The following ANO1 variants were observed in gnomAD, a reference collection of about 807,000 sequenced individuals.
The protein encoded by ANO1 is anoctamin-1.
A neutral mutation model predicts 124.0 loss-of-function variants in ANO1; 59 were observed. That is an observed-to-expected ratio of 0.48 (90% CI 0.39 to 0.59). ANO1 has a LOEUF of 0.59. Among genes scored for constraint, ANO1 ranks in the 20% least tolerant of loss-of-function variants. The probability of loss-of-function intolerance (pLI) is 0.00; values close to 1 mark genes in which losing one functional copy is unlikely to be tolerated. For synonymous variants in ANO1, 529 were observed against 532.0 expected, an observed-to-expected ratio of 0.99 and a Z score of 0.08; for missense variants, 1,059 against 1,328.0, an observed-to-expected ratio of 0.80 and a Z score of 3.15.
intron 1 of ANO1, among the ~76,000 whole-genome samples, chr11:69,987,798 G>A (rs1856076234): frequency 6.6e-6 from 1 of 152,110 alleles, no homozygotes; most frequent in South Asian, 2.1e-4. Flanking sequence ...GGTCTTTATA[G>A]GCTTTACATT....
intron 1 of ANO1, among the ~76,000 whole-genome samples, chr11:70,050,197 C>T (rs528959928): frequency 1.3e-5 from 2 of 152,316 alleles, no homozygotes; most frequent in South Asian, 4.1e-4. Context: ...GTGCAAGATA[C>T]ATAATGACAA....
chr11:70,152,300 A>C (rs571103513), intron 12 of ANO1, 150 bp from the exon 13 acceptor site: 1 of 707,330 alleles, frequency 1.4e-6, no homozygotes, highest in Non-Finnish European at 2.2e-6. Context: ...GCGCCATTGC[A>C]CTCCAGCCTG....
chr11:70,132,863 C>A (rs529685889), intron 11 of ANO1, among the ~76,000 whole-genome samples: 37 of 152,250 alleles, frequency 2.4e-4, no homozygotes, highest in Non-Finnish European at 4.3e-4. Flanking sequence ...GGCCCCACGC[C>A]GGGCACTTAA....
intron 22 of ANO1, 90 bp downstream of exon 22, chr11:70,171,129 G>A (rs2048455287): frequency 6.7e-7 from 1 of 1,495,354 alleles, no homozygotes; most frequent in African/African-American, 1.4e-5. Flanking sequence ...TAGAGCCAGA[G>A]CTGGCCAGGT....
chr11:70,029,985 T>A (rs1482662095), intron 1 of ANO1, among the ~76,000 whole-genome samples: 1 of 152,186 alleles, frequency 6.6e-6, no homozygotes, highest in Non-Finnish European at 1.5e-5. Context: ...CACTCCCCTC[T>A]GGGGAAGGCA....
Position 70,182,622 on chromosome 11 carries a change from G to A in ANO1, c.2524G>A (p.Asp842Asn). The part of the protein sequence containing the change: ...NHTLSSFNVS[D>N]FQNGTAPNDP... ...CACCCTCTCCTCCTTCAACGTCAGTGACTTCCAGAACGGCACGGCCCCCAA... is the reference window on the plus strand; with the variant it reads ...CACCCTCTCCTCCTTCAACGTCAGTAACTTCCAGAACGGCACGGCCCCCAA... Residue 842 changes from aspartate (D) to asparagine (N), a missense_variant, in exon 24 of 26, where the codon GAC becomes AAC. Coordinates refer to ENST00000355303, the MANE Select transcript of ANO1 (RefSeq NM_018043.7). 1.2e-6 allele frequency: 2 copies of A among 1,613,644 alleles called. No homozygotes were observed. Among genetic ancestry groups the A allele is most frequent in the Non-Finnish European group, 1.7e-6 (2 of 1,179,736 alleles).
chr11:70,146,767 A>C (rs2047393971), intron 11 of ANO1, among the ~76,000 whole-genome samples: 1 of 152,186 alleles, frequency 6.6e-6, no homozygotes, highest in South Asian at 2.1e-4. Context: ...CCACCAGTGT[A>C]AGTCCAAGAG....
chr11:70,006,542 CT>C (rs1555000058), intron 1 of ANO1, among the ~76,000 whole-genome samples: 128 of 108,784 alleles, frequency 1.2e-3, no homozygotes, highest in African/African-American at 3.4e-3. Context: ...TTCACTCTTT[CT>C]TTCTTCCTTT....
At chr11:70,024,056 C>T (rs1354109470) in intron 1 of ANO1, among the ~76,000 whole-genome samples, 2 of 152,246 alleles carry the variant, frequency 1.3e-5, no homozygotes, top group African/African-American at 2.4e-5. Flanking sequence ...CTCTCCTCCT[C>T]TTGGCTCTGC....
the ANO1 span, among the ~76,000 whole-genome samples, chr11:69,966,632 C>A: frequency 6.6e-6 from 1 of 152,144 alleles, no homozygotes; most frequent in Non-Finnish European, 1.5e-5. Context: ...CAGCGCTGGA[C>A]CCTCTGCTGG....
intron 11 of ANO1, among the ~76,000 whole-genome samples, chr11:70,143,913 C>T (rs939221591): frequency 4.6e-5 from 7 of 152,146 alleles, no homozygotes; most frequent in Non-Finnish European, 5.9e-5. Context: ...TATGCATCCA[C>T]GCCTCTGTCT....
intron 1 of ANO1, among the ~76,000 whole-genome samples, chr11:70,069,506 G>A (rs782167824): frequency 2.0e-5 from 3 of 152,254 alleles, no homozygotes; most frequent in Non-Finnish European, 4.4e-5. Flanking sequence ...GTTTAACACA[G>A]AGGATCTGGG....
rs1264365139 is a variant in ANO1, at chr11:70,103,128, G to A, written c.504G>A (p.Glu168=). The change falls in exon 3 of 26, where the codon GAG becomes GAA. Residue 168 remains glutamate (E), a synonymous_variant. Coordinates refer to ENST00000355303, the MANE Select transcript of ANO1 (RefSeq NM_018043.7). The part of the protein sequence containing the change: ...IHAPWNVLCR[E]AEFLKLKMPT... ...CCCCCTGGAACGTGCTGTGCAGAGA[G>A]GCCGAGTTTCTGAAACTGAAGATGC... 6.2e-7 allele frequency: 1 copy of A among 1,612,790 alleles called. No individual in the cohort carries two copies. Among genetic ancestry groups the A allele is most frequent in the Non-Finnish European group, 8.5e-7 (1 of 1,179,474 alleles).
At chr11:70,077,922 GGAACCAGGC>G (rs1297203565), upstream of ANO1, among the ~76,000 whole-genome samples, 1 of 152,116 alleles carries the variant, frequency 6.6e-6, no homozygotes, top group Non-Finnish European at 1.5e-5. Flanking sequence ...CGGGTCGGCA[GGAACCAGGC>G]AAGCTCCCCG....
chr11:69,972,046 C>T, the ANO1 span, among the ~76,000 whole-genome samples: 1 of 146,814 alleles, frequency 6.8e-6, no homozygotes, highest in African/African-American at 2.5e-5. Context: ...TATGGCGAAA[C>T]CCCGGCTCTA....
At chr11:70,161,788 GCT>G (rs1210764397) in intron 18 of ANO1, 55 bp downstream of exon 18, 1 of 1,551,696 alleles carries the variant, frequency 6.4e-7, no homozygotes, top group African/African-American at 1.4e-5. Context: ...CCAGGAGAGG[GCT>G]CTCCCTCCCC....
chr11:70,182,573 G>C lies in ANO1; in HGVS notation c.2475G>C (p.Gly825=), dbSNP rs2048969277. The C allele has an allele frequency of 6.2e-7, 1 of 1,613,534 alleles. No homozygotes were observed. Among genetic ancestry groups the C allele is most frequent in the African/African-American group, 1.3e-5 (1 of 74,900 alleles). The stretch of plus-strand genomic sequence containing the variant: ...ACCTCTACATGTACAGTAAGAACGG[G>C]ACCATGCACGGCTTCGTCAACCACA... ...LVYLYMYSKN[G]TMHGFVNHTL... is the part of the protein sequence containing the mutation. The change falls in exon 24 of 26, where the codon GGG becomes GGC. Residue 825 remains glycine, a synonymous_variant. Transcript: ENST00000355303.
intron 16 of ANO1, among the ~76,000 whole-genome samples, chr11:70,160,359 G>A (rs770213374): frequency 3.4e-4 from 51 of 152,162 alleles, no homozygotes; most frequent in Middle Eastern, 3.4e-3. Flanking sequence ...TGGGCAGGGC[G>A]GGGCAGGGCA....
Position 70,108,398 on chromosome 11 carries a change from A to G in ANO1, c.793A>G (p.Ser265Gly). 3 of 1,611,946 alleles carry G rather than the reference A, an allele frequency of 1.9e-6. No homozygotes were observed. The highest frequency in any genetic ancestry group is 2.2e-5 in the East Asian group (1 of 44,834). Reference sequence around the variant, plus strand: ...AACGACGTGTACAAAGGCCAAGTACAGCATGGGTAAGCACGTTTTTGGGGC... The same window carrying G: ...AACGACGTGTACAAAGGCCAAGTACGGCATGGGTAAGCACGTTTTTGGGGC... ...KRTTCTKAKY[S>G]MGITSLLANG... is the part of the protein sequence containing the mutation. The change falls in exon 6 of 26, where the codon AGC becomes GGC. Residue 265 changes from serine to glycine, a missense_variant. Ser to Gly is a moderately conservative substitution (Grantham distance 56, BLOSUM62 0). Transcript: ENST00000355303.
Sources: allele counts gnomAD v4.1 joint callset (sites outside exome capture counted in the v4.1 genomes callset), GRCh38; gene constraint gnomAD v4.1.1; transcripts MANE v1.5; gene names NCBI Gene and HGNC (gene_info 2026-07-23, HGNC 2026-07-21).